The following SIPA1L3 variants were observed in gnomAD, a reference collection of about 807,000 sequenced individuals.
The protein encoded by SIPA1L3 is signal-induced proliferation-associated 1-like protein 3.
SIPA1L3 carries 59 observed loss-of-function variants against 150.1 expected under a neutral mutation model. That is an observed-to-expected ratio of 0.39 (90% confidence interval 0.32 to 0.49). The LOEUF (loss-of-function observed/expected upper bound fraction) is 0.49. SIPA1L3 is among the 20% of genes least tolerant of loss of function. SIPA1L3 has a pLI of 0.86. For missense variants in SIPA1L3, 2,211 were observed against 2,489.5 expected, an observed-to-expected ratio of 0.89 and a Z score of 2.38; for synonymous variants, 1,070 against 1,077.6, an observed-to-expected ratio of 0.99 and a Z score of 0.14.
chr19:38,199,410 G>T (rs1973036509), intron 19 of SIPA1L3, among the ~76,000 whole-genome samples: 2 of 152,192 alleles, frequency 1.3e-5, no homozygotes, highest in South Asian at 4.1e-4. Flanking sequence ...ACAGGAAAGG[G>T]CTAGGATAGC....
chr19:38,161,525 C>A (rs1171746734), intron 13 of SIPA1L3, among the ~76,000 whole-genome samples: 1 of 151,546 alleles, frequency 6.6e-6, no homozygotes, highest in African/African-American at 2.4e-5. Context: ...GAGTTCGAGA[C>A]CAGCCTGGCC....
Position 37,958,360 on chromosome 19 carries a change from A to T in SIPA1L3, c.-379+51002A>T, listed in dbSNP as rs1400286619. ...GGATCACCTGAGCCCAGAGGGATCA[A>T]GGCTGCAGTGAGCCATGATTGTGCC... On this transcript the variant is annotated intron_variant, in intron 1 of 21. Coordinates refer to ENST00000222345, the MANE Select transcript of SIPA1L3 (RefSeq NM_015073.3). 2.6e-5 allele frequency among the ~76,000 whole-genome samples: 4 copies of T among 152,286 alleles called. No homozygotes were observed. In the East Asian group the frequency reaches 7.7e-4, roughly 29 times the overall value.
At chr19:38,059,664 G>A (rs1047547093) in intron 2 of SIPA1L3, among the ~76,000 whole-genome samples, 5 of 152,166 alleles carry the variant, frequency 3.3e-5, no homozygotes, top group African/African-American at 2.4e-5. Context: ...CATGTAAAAC[G>A]TGAATACACA....
chr19:38,088,622 C>T, intron 3 of SIPA1L3, 99 bp from the exon 4 acceptor site: 3 of 1,445,454 alleles, frequency 2.1e-6, no homozygotes, highest in South Asian at 1.3e-5. Context: ...ACAGATTGCA[C>T]AGGACCCTGC....
chr19:37,995,237 A>G (rs1283286558), intron 1 of SIPA1L3, among the ~76,000 whole-genome samples: 8 of 152,122 alleles, frequency 5.3e-5, no homozygotes, highest in Admixed American at 1.3e-4. Flanking sequence ...CTGTACCGTG[A>G]GAGACAGCAA....
chr19:38,185,527 A>C (rs1385283104), intron 16 of SIPA1L3: 1 of 151,302 alleles, frequency 6.6e-6, no homozygotes, highest in Non-Finnish European at 1.5e-5. Context: ...ACTACCACAC[A>C]CTGAGTGGCT....
chr19:38,055,457 G>A (rs1969294356), intron 2 of SIPA1L3, among the ~76,000 whole-genome samples: 1 of 152,210 alleles, frequency 6.6e-6, no homozygotes, highest in Admixed American at 6.5e-5. Context: ...TTATTTATTA[G>A]GAAAACAATA....
rs1969085295 is a variant in SIPA1L3 at position 38,047,368 on chromosome 19, A to G, written c.-311+18212A>G. Among the ~76,000 whole-genome samples the G allele has an allele frequency of 6.6e-6, 1 of 152,124 alleles. No homozygotes were observed. The highest frequency in any genetic ancestry group is 6.5e-5 in the Admixed American group (1 of 15,280). ...GTATTGCCTGTCTACACCCTATAGTATAGCCTGTGAGCTCCTGTTTGACCA... is the reference window on the plus strand; with the variant it reads ...GTATTGCCTGTCTACACCCTATAGTGTAGCCTGTGAGCTCCTGTTTGACCA... On this transcript the variant is annotated intron_variant, in intron 2 of 21. Coordinates refer to ENST00000222345, the MANE Select transcript of SIPA1L3 (RefSeq NM_015073.3). This position sits in a 1 kb window ranked among gnomAD's most constrained non-coding sequence, Gnocchi z 4.7.
intron 3 of SIPA1L3, among the ~76,000 whole-genome samples, chr19:38,084,281 T>A (rs755676665): frequency 1.3e-5 from 2 of 152,186 alleles, no homozygotes; most frequent in Non-Finnish European, 2.9e-5. Context: ...AACCCCCTTA[T>A]GCCCTTATGC....
rs112774896 is a variant in SIPA1L3, at chr19:38,175,580, T to G, written c.4209-6939T>G. On this transcript the variant is annotated intron_variant, in intron 15 of 21. Transcript: ENST00000222345. ...AAGCACAGAGCACGTTGCCTGCCCC[T>G]CCCCCGCTACCACCAGTGCTGTCTG... Among the ~76,000 whole-genome samples, 331 of 152,046 alleles carry G rather than the reference T, an allele frequency of 2.2e-3. 2 individuals are homozygous for G. Among genetic ancestry groups the G allele is most frequent in the African/African-American group, 7.6e-3 (317 of 41,452 alleles).
At chr19:38,130,395 A>G in intron 9 of SIPA1L3, 103 bp from the exon 10 acceptor site, 2 of 1,197,168 alleles carry the variant, frequency 1.7e-6, no homozygotes, top group Non-Finnish European at 2.4e-6. Flanking sequence ...AATAGATGGG[A>G]GTTGGCAGGT....
chr19:38,049,068 C>CGAGA (rs1969125923), intron 2 of SIPA1L3, among the ~76,000 whole-genome samples: 2 of 148,538 alleles, frequency 1.3e-5, no homozygotes, highest in African/African-American at 5.1e-5. Context: ...GGCGACAGGG[C>CGAGA]GAGACCCCAT....
chr19:38,092,474 A>ATGCCATTCCC (rs1339523220), intron 4 of SIPA1L3, among the ~76,000 whole-genome samples: 4 of 152,074 alleles, frequency 2.6e-5, no homozygotes, highest in African/African-American at 9.7e-5. Context: ...CCTGTTCACT[A>ATGCCATTCCC]AGTTTGAAAC....
intron 2 of SIPA1L3, among the ~76,000 whole-genome samples, chr19:38,077,219 G>A (rs1969856424): frequency 6.6e-6 from 1 of 152,122 alleles, no homozygotes; most frequent in African/African-American, 2.4e-5. Flanking sequence ...GGGAGGCTGA[G>A]GTGGGAAGAT....
chr19:38,135,693 C>T (rs1971420603), intron 10 of SIPA1L3, among the ~76,000 whole-genome samples: 1 of 152,172 alleles, frequency 6.6e-6, no homozygotes, highest in Admixed American at 6.5e-5. Context: ...GACATTCCCT[C>T]CTGTTCCCTT....
intron 16 of SIPA1L3, among the ~76,000 whole-genome samples, chr19:38,190,064 T>A (rs1367579240): frequency 6.6e-6 from 1 of 152,112 alleles, no homozygotes; most frequent in African/African-American, 2.4e-5. Flanking sequence ...TGTGGCACTG[T>A]GGACTCATGT....
At chr19:38,183,306 G>T (rs769318509) in intron 16 of SIPA1L3, among the ~76,000 whole-genome samples, 2 of 152,208 alleles carry the variant, frequency 1.3e-5, no homozygotes, top group African/African-American at 4.8e-5. Context: ...CCTGCGAGGA[G>T]CAGGGAGGAG....
chr19:37,978,476 A>T (rs1485243704), intron 1 of SIPA1L3, among the ~76,000 whole-genome samples: 1 of 152,162 alleles, frequency 6.6e-6, no homozygotes, highest in Non-Finnish European at 1.5e-5. Flanking sequence ...CCAGTATATG[A>T]TCCCCATTGT....
chr19:37,955,643 C>G (rs1253080726), intron 1 of SIPA1L3, among the ~76,000 whole-genome samples: 1 of 152,172 alleles, frequency 6.6e-6, no homozygotes, highest in East Asian at 1.9e-4. Context: ...CTTTTCTGTA[C>G]CAGGCTTCCG....
Sources: allele counts gnomAD v4.1 joint callset (sites outside exome capture counted in the v4.1 genomes callset), GRCh38; gene constraint gnomAD v4.1.1; non-coding constraint Gnocchi (gnomAD v3.1); transcripts MANE v1.5; gene names NCBI Gene and HGNC (gene_info 2026-07-23, HGNC 2026-07-21).